Variants in TNFRSF1B observed in about 807,000 individuals in gnomAD.
TNFRSF1B encodes tumor necrosis factor receptor superfamily member 1B.
Under a neutral mutation model 44.6 loss-of-function variants are expected in TNFRSF1B, and 19 were observed. That is an observed-to-expected ratio of 0.43 (90% CI 0.30 to 0.62). The LOEUF (loss-of-function observed/expected upper bound fraction) is 0.62, where lower values mean the gene tolerates loss of function less well. Ranked by LOEUF, TNFRSF1B falls within the 20% of genes least tolerant of loss-of-function variation. The pLI is 0.16. For missense variants in TNFRSF1B, 541 were observed against 619.9 expected (o/e 0.87, Z 1.35); for synonymous variants, 252 against 261.1 (o/e 0.97, Z 0.34).
rs539844546 is a variant in TNFRSF1B at position 12,199,372 on chromosome 1, C to T, written c.901-2595C>T. 1.3e-5 allele frequency among the ~76,000 whole-genome samples: 2 copies of T among 152,324 alleles called. No homozygotes were observed. The highest frequency in any genetic ancestry group is 4.8e-5 in the African/African-American group (2 of 41,574). On this transcript the variant is annotated intron_variant, in intron 8 of 9. Coordinates refer to ENST00000376259, the MANE Select transcript of TNFRSF1B (RefSeq NM_001066.3). This position sits in a 1 kb window ranked among gnomAD's most constrained non-coding sequence, Gnocchi z 4.0. ...CCTCCATCTCTCCAAAACTGGGGGACCCAGCCCAGGGAGGGTGTGGGGGTT... is the reference window on the plus strand; with the variant it reads ...CCTCCATCTCTCCAAAACTGGGGGATCCAGCCCAGGGAGGGTGTGGGGGTT...
intron 8 of TNFRSF1B, among the ~76,000 whole-genome samples, chr1:12,198,461 C>T (rs1639317224): frequency 6.6e-6 from 1 of 152,174 alleles, no homozygotes; most frequent in African/African-American, 2.4e-5. Context: ...ACGTCACTCA[C>T]AGATATGCAC....
Position 12,183,748 on chromosome 1 carries a change from T to TCTATCTATCTATCTATCTATCTATCTAG in TNFRSF1B, c.79-5045_79-5044insTCTATCTATCTATCTATCTATCTAGCTA, listed in dbSNP as rs1279334157. 1.6e-4 allele frequency among the ~76,000 whole-genome samples: 19 copies of TCTATCTATCTATCTATCTATCTATCTAG among 117,026 alleles called. 1 individual carries two copies. The highest frequency in any genetic ancestry group is 3.0e-4 in the South Asian group (1 of 3,310). 76.8% of individuals were successfully genotyped at this position (117,026 alleles called of 152,430 possible). ...ATCTATCTATCTATCTATCTATCTA[T>TCTATCTATCTATCTATCTATCTATCTAG]CTAGCTAGCTAGCTAGCTAGCTATC... On this transcript the variant is annotated intron_variant, in intron 1 of 9. Coordinates refer to ENST00000376259, the MANE Select transcript of TNFRSF1B (RefSeq NM_001066.3).
intron 1 of TNFRSF1B, among the ~76,000 whole-genome samples, chr1:12,170,500 A>G (rs910556451): frequency 2.6e-5 from 4 of 152,226 alleles, no homozygotes; most frequent in Admixed American, 6.5e-5. Context: ...CACCTGGCAC[A>G]GTGGCTCCCC....
intron 1 of TNFRSF1B, among the ~76,000 whole-genome samples, chr1:12,181,199 GC>G (rs1638795442): frequency 6.6e-6 from 1 of 152,176 alleles, no homozygotes; most frequent in South Asian, 2.1e-4. Flanking sequence ...GCCCACACGG[GC>G]CATCTAACAC....
intron 8 of TNFRSF1B, among the ~76,000 whole-genome samples, chr1:12,196,613 C>T (rs1036831298): frequency 2.0e-5 from 3 of 152,206 alleles, no homozygotes; most frequent in African/African-American, 7.2e-5. Context: ...AAAAGAGATG[C>T]AGGGAGGAAA....
intron 1 of TNFRSF1B, among the ~76,000 whole-genome samples, chr1:12,184,489 G>C (rs1638933438): frequency 6.6e-6 from 1 of 152,264 alleles, no homozygotes; most frequent in Admixed American, 6.5e-5. Context: ...CGGGGGGGCT[G>C]GAGCCACACA....
intron 1 of TNFRSF1B, among the ~76,000 whole-genome samples, chr1:12,175,022 C>T (rs181812646): frequency 2.1e-4 from 32 of 152,344 alleles, no homozygotes; most frequent in African/African-American, 6.5e-4. Flanking sequence ...ACTAGTGAGA[C>T]TGATGTGGCC....
At chr1:12,202,522 T>G (rs994320413) in intron 9 of TNFRSF1B, among the ~76,000 whole-genome samples, 1 of 152,178 alleles carries the variant, frequency 6.6e-6, no homozygotes, top group Non-Finnish European at 1.5e-5. Flanking sequence ...TCAGACTGCA[T>G]GTACAGACAT....
intron 8 of TNFRSF1B, among the ~76,000 whole-genome samples, chr1:12,195,146 C>T (rs1247223789): frequency 5.3e-5 from 8 of 152,192 alleles, no homozygotes; most frequent in Non-Finnish European, 2.9e-5. Flanking sequence ...TGGGGCTGGG[C>T]CCTGGGTCCT....
intron 1 of TNFRSF1B, among the ~76,000 whole-genome samples, chr1:12,175,230 C>T (rs1417920896): frequency 6.6e-6 from 1 of 152,234 alleles, no homozygotes; most frequent in South Asian, 2.1e-4. Context: ...GGTCTGAGGC[C>T]TCATCTTGGC....
intron 1 of TNFRSF1B, among the ~76,000 whole-genome samples, chr1:12,170,149 A>G (rs1638488572): frequency 6.6e-6 from 1 of 151,860 alleles, no homozygotes; most frequent in African/African-American, 2.4e-5. Flanking sequence ...GGCAATGGGT[A>G]GGTGGCCAGG....
Position 12,174,190 on chromosome 1 carries a change from C to T in TNFRSF1B, c.78+7021C>T, listed in dbSNP as rs986861476. Among the ~76,000 whole-genome samples the T allele has an allele frequency of 9.9e-3, 997 of 100,938 alleles. 1 individual carries two copies. The highest frequency in any genetic ancestry group is 0.011 in the Non-Finnish European group (559 of 48,792). The allele number at this position is 100,938 out of a possible 152,430, so 66.2% of individuals were successfully genotyped here. ...TCCTTCTCCTTCTCCTTCTCCTTCT[C>T]CTTCTCCTTCTCCTTCTCCTTCTCC... On this transcript the variant is annotated intron_variant, in intron 1 of 9. Coordinates refer to ENST00000376259, the MANE Select transcript of TNFRSF1B (RefSeq NM_001066.3).
rs1639105570 is a variant in TNFRSF1B at position 12,191,020 on chromosome 1, G to A, written c.242G>A (p.Ser81Asn). The A allele has an allele frequency of 2.5e-6, 4 of 1,614,094 alleles. No homozygotes were observed. The South Asian group carries it at 3.3e-5, about 13-fold the overall frequency. Reference sequence around the variant, plus strand: ...ACCGTGTGTGACTCCTGTGAGGACAGCACATACACCCAGCTCTGGAACTGG... The same window carrying A: ...ACCGTGTGTGACTCCTGTGAGGACAACACATACACCCAGCTCTGGAACTGG... Reference protein sequence around the residue: ...SDTVCDSCEDSTYTQLWNWVP... With the variant: ...SDTVCDSCEDNTYTQLWNWVP... The change falls in exon 3 of 10, where the codon AGC becomes AAC. Residue 81 changes from serine to asparagine, a missense_variant. Coordinates refer to ENST00000376259, the MANE Select transcript of TNFRSF1B (RefSeq NM_001066.3).
intron 3 of TNFRSF1B, 112 bp from the exon 4 acceptor site, chr1:12,191,662 G>T: frequency 7.2e-7 from 1 of 1,394,426 alleles, no homozygotes; most frequent in South Asian, 1.2e-5. Flanking sequence ...ATGCTGAGGC[G>T]GTCCGCCAGC....
In TNFRSF1B at chr1:12,202,125, G is replaced by A; in HGVS notation, c.1059G>A (p.Val353=). Residue 353 remains valine, a synonymous_variant, in exon 9 of 10, where the codon GTG becomes GTA. Transcript: ENST00000376259. Reference sequence around the variant, plus strand: ...GGAACCAGCCACAGGCACCAGGCGTGGAGGCCAGTGGGGCCGGGGAGGCCC... The same window carrying A: ...GGAACCAGCCACAGGCACCAGGCGTAGAGGCCAGTGGGGCCGGGGAGGCCC... ...PTRNQPQAPG[V]EASGAGEARA... 1 of 1,563,722 alleles carries A rather than the reference G, an allele frequency of 6.4e-7. No homozygotes were observed. The highest frequency in any genetic ancestry group is 8.7e-7 in the Non-Finnish European group (1 of 1,154,516).
In TNFRSF1B at chr1:12,192,418, T is replaced by C. The variant is rs916212512; in HGVS notation, c.458-13T>C. ...TGTCTGAGTGGTTGACAAGTTCGGATTGTTCCCTGAAGGAACTGAAACATC... is the reference window on the plus strand; with the variant it reads ...TGTCTGAGTGGTTGACAAGTTCGGACTGTTCCCTGAAGGAACTGAAACATC... On this transcript the variant is annotated splice_polypyrimidine_tract_variant and intron_variant, in intron 4 of 9. Coordinates refer to ENST00000376259, the MANE Select transcript of TNFRSF1B (RefSeq NM_001066.3). 53 of 1,613,690 alleles carry C rather than the reference T, an allele frequency of 3.3e-5. No individual in the cohort carries two copies. The highest frequency in any genetic ancestry group is 4.5e-5 in the Non-Finnish European group (53 of 1,179,780).
At chr1:12,181,444 G>A (rs1288638212) in intron 1 of TNFRSF1B, among the ~76,000 whole-genome samples, 1 of 152,144 alleles carries the variant, frequency 6.6e-6, no homozygotes, top group Non-Finnish European at 1.5e-5. Context: ...AACCCCTGGA[G>A]GAGACAGGGC....
At chr1:12,194,658 C>T in intron 8 of TNFRSF1B, 40 bp downstream of exon 8, 2 of 1,612,698 alleles carry the variant, frequency 1.2e-6, no homozygotes, top group Non-Finnish European at 1.7e-6. Context: ...TTCCCCTGGT[C>T]TCCTTCCCGG....
At chr1:12,189,262 A>G (rs576335280) in intron 2 of TNFRSF1B, among the ~76,000 whole-genome samples, 4 of 152,274 alleles carry the variant, frequency 2.6e-5, no homozygotes, top group African/African-American at 9.6e-5. Flanking sequence ...TTGAAAGACA[A>G]GTGCTGCCTC....
Sources: gnomAD v4.1 joint callset for allele counts (sites outside exome capture counted in the v4.1 genomes callset) on GRCh38, gnomAD v4.1.1 for gene constraint, Gnocchi (gnomAD v3.1) non-coding constraint, MANE v1.5 for transcripts, NCBI Gene and HGNC (gene_info 2026-07-23, HGNC 2026-07-21) for gene names.